Variants in ZNF385D observed in about 807,000 individuals in gnomAD.
ZNF385D encodes the protein zinc finger protein 659.
In ZNF385D, 15 loss-of-function variants were observed where a neutral mutation model predicts 35.8. The observed-to-expected ratio is 0.42, with a 90% CI of 0.28 to 0.64. The LOEUF (loss-of-function observed/expected upper bound fraction) is 0.64, where lower values mean the gene tolerates loss of function less well. Among genes scored for constraint, ZNF385D ranks in the 30% least tolerant of loss-of-function variants. The pLI, the probability that ZNF385D is intolerant of heterozygous loss-of-function variation, is 0.23. For synonymous variants in ZNF385D, 212 were observed against 186.8 expected, an observed-to-expected ratio of 1.13 and a Z score of -1.10; for missense variants, 474 against 494.6, an observed-to-expected ratio of 0.96 and a Z score of 0.39.
intron 3 of ZNF385D, among the ~76,000 whole-genome samples, chr3:21,959,961 A>T (rs1158417697): frequency 6.6e-6 from 1 of 151,194 alleles, no homozygotes; most frequent in Non-Finnish European, 1.5e-5. Context: ...CATAGGGGAA[A>T]TTTTTCAGAA....
intron 3 of ZNF385D, among the ~76,000 whole-genome samples, chr3:21,793,849 T>G (rs17635545): frequency 0.076 from 11,548 of 152,286 alleles, 596 homozygotes; most frequent in South Asian, 0.13. Context: ...GTCATGAGTT[T>G]AGGGAACCAT....
At chr3:22,196,463 TCTC>T (rs1696421602) in intron 2 of ZNF385D, among the ~76,000 whole-genome samples, 1 of 152,084 alleles carries the variant, frequency 6.6e-6, no homozygotes. Context: ...TTTTCTATTT[TCTC>T]CTTTCATTCT....
chr3:21,529,195 A>G lies in ZNF385D; in HGVS notation c.277-18172T>C, dbSNP rs974160423. Among the ~76,000 whole-genome samples the G allele has an allele frequency of 4.6e-5, 7 of 152,186 alleles. No individual in the cohort carries two copies. In the East Asian group the frequency reaches 1.4e-3, roughly 29 times the overall value. On this transcript the variant is annotated intron_variant, in intron 3 of 7. Coordinates refer to ENST00000281523, the MANE Select transcript of ZNF385D (RefSeq NM_024697.3). ...AAATGTTCCACCTGAAACTAGAGAT[A>G]GAATATGACTGTGGGGTTTTCTTAC...
chr3:22,126,326 T>C (rs1399892068), intron 3 of ZNF385D, among the ~76,000 whole-genome samples: 1 of 150,722 alleles, frequency 6.6e-6, no homozygotes. Context: ...TTTTTTTTTT[T>C]TTTTCACTTT....
rs1215851943 is a variant in ZNF385D at position 21,751,183 on chromosome 3, T to A, written c.-267A>T. On this transcript the variant is annotated 5_prime_UTR_variant, in exon 1 of 8. Coordinates refer to ENST00000281523, the MANE Select transcript of ZNF385D (RefSeq NM_024697.3). The stretch of plus-strand genomic sequence containing the variant: ...TGTAATCCGACTCCTCCTTGCGATG[T>A]CCTTGCCGCGCCTGTGACATCAGGA... 1 of 1,383,152 alleles carries A rather than the reference T, an allele frequency of 7.2e-7. No homozygotes were observed. The highest frequency in any genetic ancestry group is 3.1e-5 in the Admixed American group (1 of 32,700). The allele number at this position is 1,383,152 out of a possible 1,614,324, so 85.7% of individuals were successfully genotyped here.
At chr3:22,368,440 T>G (rs1010495907) in intron 2 of ZNF385D, among the ~76,000 whole-genome samples, 1 of 152,222 alleles carries the variant, frequency 6.6e-6, no homozygotes, top group African/African-American at 2.4e-5. Flanking sequence ...AAATTTTTTA[T>G]GTTAATCATG....
intron 3 of ZNF385D, among the ~76,000 whole-genome samples, chr3:22,072,277 A>G (rs1700265861): frequency 6.6e-6 from 1 of 152,242 alleles, no homozygotes; most frequent in South Asian, 2.1e-4. Flanking sequence ...AAAGCCATGT[A>G]CAACAGATGC....
intron 3 of ZNF385D, among the ~76,000 whole-genome samples, chr3:21,524,090 T>C (rs1366202229): frequency 6.6e-6 from 1 of 152,232 alleles, no homozygotes; most frequent in East Asian, 1.9e-4. Context: ...AGATTTCATT[T>C]CCTAGAATGG....
At chr3:21,949,407 C>A (rs1701946622) in intron 3 of ZNF385D, among the ~76,000 whole-genome samples, 1 of 151,890 alleles carries the variant, frequency 6.6e-6, no homozygotes, top group South Asian at 2.1e-4. Context: ...GGGTGGCTAT[C>A]TTTATTGTTG....
chr3:22,050,326 C>A (rs1350927147), intron 3 of ZNF385D, among the ~76,000 whole-genome samples: 2 of 151,982 alleles, frequency 1.3e-5, no homozygotes, highest in African/African-American at 2.4e-5. Context: ...TGTGCCATTG[C>A]ACTCCAGCCT....
At chr3:21,793,010 T>C (rs1477929657) in intron 3 of ZNF385D, among the ~76,000 whole-genome samples, 1 of 152,176 alleles carries the variant, frequency 6.6e-6, no homozygotes, top group East Asian at 1.9e-4. Context: ...TACCCAACTT[T>C]TGAGGGCTGT....
At chr3:21,872,053 T>G (rs566761273) in intron 3 of ZNF385D, among the ~76,000 whole-genome samples, 30 of 152,260 alleles carry the variant, frequency 2.0e-4, no homozygotes, top group African/African-American at 7.2e-4. Flanking sequence ...AAGATTTTCT[T>G]GTTTAATAAA....
chr3:21,637,838 G>A (rs901731234), intron 2 of ZNF385D, among the ~76,000 whole-genome samples: 1 of 151,996 alleles, frequency 6.6e-6, no homozygotes, highest in African/African-American at 2.4e-5. Flanking sequence ...TTTGTTAAAG[G>A]AGAAATTAAA....
chr3:21,939,226 G>A (rs901803916), intron 3 of ZNF385D, among the ~76,000 whole-genome samples: 13 of 152,158 alleles, frequency 8.5e-5, no homozygotes, highest in African/African-American at 3.1e-4. Context: ...CATTTATTGG[G>A]CTTCTACCCC....
At chr3:21,662,046 G>C (rs2066254010) in intron 2 of ZNF385D, among the ~76,000 whole-genome samples, 1 of 152,090 alleles carries the variant, frequency 6.6e-6, no homozygotes, top group Non-Finnish European at 1.5e-5. Flanking sequence ...GAAGAATATA[G>C]TCTCTGATCA....
chr3:21,596,767 A>G (rs763083125), intron 2 of ZNF385D, among the ~76,000 whole-genome samples: 3 of 151,876 alleles, frequency 2.0e-5, no homozygotes, highest in Admixed American at 6.6e-5. Context: ...GCATGAACCA[A>G]TGCGGCTGGC....
intron 5 of ZNF385D, 72 bp downstream of exon 5, chr3:21,436,898 A>AAAAGATCT (rs1701579343): frequency 7.0e-7 from 1 of 1,420,842 alleles, no homozygotes; most frequent in South Asian, 1.3e-5. Context: ...CCCCTGCTGC[A>AAAAGATCT]AAAGATCTAA....
rs1366647865 is a variant in ZNF385D, at chr3:21,607,986, A to AATGAAAAG, written c.166-43310_166-43303dup. On this transcript the variant is annotated intron_variant, in intron 2 of 7. Coordinates refer to ENST00000281523, the MANE Select transcript of ZNF385D (RefSeq NM_024697.3). ...GTGTTACCTTTAGCCAAATAACCGT[A>AATGAAAAG]ATGAAAAGATGTAATTCTTTTTCTT... Among the ~76,000 whole-genome samples, 3 of 126,152 alleles carry AATGAAAAG rather than the reference A, an allele frequency of 2.4e-5. No individual in the cohort carries two copies. In the Admixed American group the frequency reaches 2.5e-4, roughly 10 times the overall value. 82.8% of individuals were successfully genotyped at this position (126,152 alleles called of 152,430 possible).
chr3:21,599,571 G>A (rs2064222584), intron 2 of ZNF385D, among the ~76,000 whole-genome samples: 1 of 152,166 alleles, frequency 6.6e-6, no homozygotes, highest in South Asian at 2.1e-4. Flanking sequence ...ATGGAGTTTG[G>A]TGTTATTCTT....
Sources: allele counts gnomAD v4.1 joint callset (sites outside exome capture counted in the v4.1 genomes callset), GRCh38; gene constraint gnomAD v4.1.1; transcripts MANE v1.5; gene names NCBI Gene and HGNC (gene_info 2026-07-23, HGNC 2026-07-21).